TCF12: variants seen among roughly 807,000 people sequenced by gnomAD.
The protein encoded by TCF12 is transcription factor 12, also known as DNA-binding protein HTF4.
TCF12 carries 45 observed loss-of-function variants against 86.0 expected under a neutral mutation model. The ratio of observed to expected loss-of-function variants is 0.52; its 90% confidence interval spans 0.41 to 0.67. TCF12 has a LOEUF of 0.67. Among genes scored for constraint, TCF12 ranks in the 30% least tolerant of loss-of-function variants. TCF12 has a pLI of 0.00. For synonymous variants in TCF12, 330 were observed against 299.6 expected (o/e 1.10, Z -1.05); for missense variants, 881 against 859.9 (o/e 1.02, Z -0.31).
chr15:57,087,223 G>T (rs1184161871), intron 4 of TCF12, among the ~76,000 whole-genome samples: 1 of 151,644 alleles, frequency 6.6e-6, no homozygotes, highest in Non-Finnish European at 1.5e-5. Flanking sequence ...GACTAGCCTG[G>T]ACAACATAGG....
At chr15:57,110,316 G>GC in intron 5 of TCF12, among the ~76,000 whole-genome samples, 1 of 6,292 alleles carries the variant, frequency 1.6e-4, no homozygotes, top group Non-Finnish European at 4.2e-3. Context: ...ACCATAGTTG[G>GC]GGGAAAAATG....
intron 3 of TCF12, among the ~76,000 whole-genome samples, chr15:57,038,657 G>A (rs770093249): frequency 6.6e-6 from 1 of 151,600 alleles, no homozygotes; most frequent in Non-Finnish European, 1.5e-5. Context: ...TAACTTGTAA[G>A]GTGAAAAAAA....
At chr15:57,166,108 G>A (rs760877325) in intron 5 of TCF12, among the ~76,000 whole-genome samples, 15 of 151,672 alleles carry the variant, frequency 9.9e-5, no homozygotes, top group Non-Finnish European at 1.8e-4. Context: ...TTTTTGTAGA[G>A]AGGCTTCACT....
intron 8 of TCF12, among the ~76,000 whole-genome samples, chr15:57,227,032 G>T (rs1360276107): frequency 2.6e-5 from 4 of 151,876 alleles, no homozygotes; most frequent in Non-Finnish European, 4.4e-5. Flanking sequence ...TCTCAATTAG[G>T]ATATATAGCT....
chr15:57,176,114 T>A (rs1378933111), intron 6 of TCF12, among the ~76,000 whole-genome samples: 2 of 152,110 alleles, frequency 1.3e-5, no homozygotes, highest in Non-Finnish European at 2.9e-5. Context: ...AGGAGGATTG[T>A]TTGAGCCCAG....
At chr15:57,055,637 A>G (rs1202086134) in intron 3 of TCF12, among the ~76,000 whole-genome samples, 5 of 152,010 alleles carry the variant, frequency 3.3e-5, no homozygotes, top group South Asian at 4.1e-4. Context: ...GCTGGCATTC[A>G]TAGTTTCTGA....
At chr15:57,086,357 A>G (rs2048630878) in intron 4 of TCF12, among the ~76,000 whole-genome samples, 2 of 151,878 alleles carry the variant, frequency 1.3e-5, no homozygotes, top group African/African-American at 4.8e-5. Flanking sequence ...CATTCTTATT[A>G]CCATCATCTA....
chr15:56,972,253 G>C (rs2062375723), intron 3 of TCF12, among the ~76,000 whole-genome samples: 1 of 152,184 alleles, frequency 6.6e-6, no homozygotes, highest in African/African-American at 2.4e-5. Flanking sequence ...TAACAGAACT[G>C]CATATGCATT....
Position 57,228,022 on chromosome 15 carries a change from A to C in TCF12, c.580-3130A>C, listed in dbSNP as rs545804806. Among the ~76,000 whole-genome samples, 38 of 152,202 alleles carry C rather than the reference A, an allele frequency of 2.5e-4. No individual in the cohort carries two copies. The South Asian group carries it at 7.5e-3, about 30-fold the overall frequency. On this transcript the variant is annotated intron_variant, in intron 8 of 20. Transcript: ENST00000333725. ...TTAGATCATTAACTAGGGGAAAAAA[A>C]CTGGCATCTATGTTCAGGTGATCAG...
At chr15:56,973,947 C>T (rs2062469882) in intron 3 of TCF12, among the ~76,000 whole-genome samples, 1 of 152,060 alleles carries the variant, frequency 6.6e-6, no homozygotes, top group South Asian at 2.1e-4. Context: ...AAAGGTCATT[C>T]TACAAGATAA....
At chr15:57,111,571 G>A (rs1189477194) in intron 5 of TCF12, among the ~76,000 whole-genome samples, 7 of 149,590 alleles carry the variant, frequency 4.7e-5, no homozygotes, top group African/African-American at 1.7e-4. Flanking sequence ...GAATAGGTAG[G>A]TTTGGTTTGT....
At chr15:57,067,390 A>G (rs1287838506) in intron 4 of TCF12, among the ~76,000 whole-genome samples, 1 of 151,372 alleles carries the variant, frequency 6.6e-6, no homozygotes, top group African/African-American at 2.4e-5. Flanking sequence ...AATACAAAAA[A>G]TTAGCCGGGC....
intron 2 of TCF12, among the ~76,000 whole-genome samples, chr15:56,920,475 T>TAC (rs199682082): frequency 2.8e-4 from 31 of 112,702 alleles, no homozygotes; most frequent in African/African-American, 8.7e-4. Context: ...TTTTATTTTA[T>TAC]ACACACACAC....
intron 19 of TCF12, among the ~76,000 whole-genome samples, chr15:57,274,601 A>T (rs1035987912): frequency 2.0e-5 from 3 of 152,088 alleles, no homozygotes; most frequent in Non-Finnish European, 4.4e-5. Context: ...TTTTTCTTGA[A>T]TTGTGTCTGA....
At chr15:56,929,546 T>C (rs1465727292) in intron 3 of TCF12, among the ~76,000 whole-genome samples, 3 of 152,116 alleles carry the variant, frequency 2.0e-5, no homozygotes, top group Non-Finnish European at 2.9e-5. Flanking sequence ...AAATGTGCTC[T>C]CATAAAGACC....
chr15:57,102,728 G>C (rs1460000060), intron 5 of TCF12, among the ~76,000 whole-genome samples: 3 of 152,148 alleles, frequency 2.0e-5, no homozygotes, highest in Admixed American at 2.0e-4. Flanking sequence ...AAAGTTTCTG[G>C]AGCTATACTG....
chr15:57,280,353 C>T (rs1486686980), intron 19 of TCF12, among the ~76,000 whole-genome samples: 1 of 152,124 alleles, frequency 6.6e-6, no homozygotes, highest in Non-Finnish European at 1.5e-5. Context: ...GTGTATCTTT[C>T]TTCCTTCATT....
chr15:56,982,350 A>G (rs2062934633), intron 3 of TCF12, among the ~76,000 whole-genome samples: 1 of 152,224 alleles, frequency 6.6e-6, no homozygotes, highest in South Asian at 2.1e-4. Flanking sequence ...AATGCTCCAA[A>G]CAAGGTTGAG....
At chr15:57,278,443 G>C (rs1290959630) in intron 19 of TCF12, 1 of 152,126 alleles carries the variant, frequency 6.6e-6, no homozygotes, top group East Asian at 1.9e-4. Context: ...TGGGGTTAGG[G>C]AGACGGAATT....
Sources: gnomAD v4.1 joint callset for allele counts (sites outside exome capture counted in the v4.1 genomes callset) on GRCh38, gnomAD v4.1.1 for gene constraint, MANE v1.5 for transcripts, NCBI Gene and HGNC (gene_info 2026-07-23, HGNC 2026-07-21) for gene names.